Variants in TPH1 observed in about 807,000 individuals in gnomAD.
TPH1 encodes the protein tryptophan hydroxylase 1.
Under a neutral mutation model 49.5 loss-of-function variants are expected in TPH1, and 37 were observed. The ratio of observed to expected loss-of-function variants is 0.75; its 90% confidence interval spans 0.58 to 0.98. TPH1 has a LOEUF of 0.98. Ranked by LOEUF, TPH1 falls within the 50% of genes least tolerant of loss-of-function variation. TPH1 has a pLI of 0.00. For missense variants in TPH1, 487 were observed against 523.6 expected, an observed-to-expected ratio of 0.93 and a Z score of 0.68; for synonymous variants, 160 against 182.1, an observed-to-expected ratio of 0.88 and a Z score of 0.98.
rs910627206 is a variant in TPH1, at chr11:18,029,661, T to C, written c.403-82A>G. ...TATTTGGGAAACATTTCATTATTAC[T>C]AGAGCTATTATATTAAAGGGCTACA... On this transcript the variant is annotated intron_variant, in intron 4 of 10. Coordinates refer to ENST00000682019, the MANE Select transcript of TPH1 (RefSeq NM_004179.3). The C allele has an allele frequency of 7.2e-6, 8 of 1,111,756 alleles. No homozygotes were observed. The African/African-American group carries it at 9.3e-5, about 13-fold the overall frequency. The allele number at this position is 1,111,756 out of a possible 1,614,324, so 68.9% of individuals were successfully genotyped here.
chr11:18,035,837 C>A, intron 3 of TPH1, 122 bp downstream of exon 3: 1 of 812,568 alleles, frequency 1.2e-6, no homozygotes, highest in Non-Finnish European at 2.0e-6. Flanking sequence ...CCTTCACTAT[C>A]AGACTGTAAG....
intron 4 of TPH1, among the ~76,000 whole-genome samples, chr11:18,030,257 A>T (rs1051892650): frequency 7.9e-5 from 12 of 152,054 alleles, no homozygotes; most frequent in African/African-American, 2.7e-4. Context: ...AAAAAAATTT[A>T]AAATAACAAT....
chr11:18,044,267 C>T (rs1467389804), intron 1 of TPH1, among the ~76,000 whole-genome samples: 1 of 151,836 alleles, frequency 6.6e-6, no homozygotes, highest in Non-Finnish European at 1.5e-5. Context: ...ACTAAAAATA[C>T]AAAAATTGGC....
chr11:18,029,313 G>C lies in TPH1; in HGVS notation c.519C>G (p.Thr173=), dbSNP rs1190902186. Residue 173 remains threonine, a synonymous_variant, in exon 6 of 11, where the codon ACC becomes ACG. Transcript: ENST00000682019. ...KVEFTEEEIK[T]WGTVFQELNK... ...TGAGCTCTTGGAATACGGTTCCCCA[G>C]GTCTTAATCTCCTCTTCAGTGAATT... The C allele has an allele frequency of 1.2e-6, 2 of 1,614,062 alleles. No individual in the cohort carries two copies. Among genetic ancestry groups the C allele is most frequent in the African/African-American group, 2.7e-5 (2 of 75,002 alleles).
intron 3 of TPH1, 131 bp downstream of exon 3, chr11:18,035,828 C>T (rs1848043237): frequency 1.4e-6 from 1 of 727,638 alleles, no homozygotes; most frequent in Non-Finnish European, 2.3e-6. Flanking sequence ...TTTGTGTTCC[C>T]TTCACTATCA....
At position 18,046,131 on chromosome 11, in the gene TPH1, CACCAATTT is replaced by C. The variant is rs1420104425; in HGVS notation, c.-27+102_-27+109del. 8.5e-5 allele frequency among the ~76,000 whole-genome samples: 13 copies of C among 152,302 alleles called. No homozygotes were observed. The East Asian group carries it at 2.5e-3, about 30-fold the overall frequency. On this transcript the variant is annotated intron_variant, in intron 1 of 10. Transcript: ENST00000682019. Reference sequence around the variant, plus strand: ...CCTCCCAAATCTGACTCCGCAAGACCACCAATTTACCTCCCGGGAGGGTGACTCTGCCC... The same window carrying C: ...CCTCCCAAATCTGACTCCGCAAGACCACCTCCCGGGAGGGTGACTCTGCCC...
chr11:18,034,930 C>T (rs1268343499), intron 3 of TPH1, among the ~76,000 whole-genome samples: 1 of 152,128 alleles, frequency 6.6e-6, no homozygotes, highest in Non-Finnish European at 1.5e-5. Flanking sequence ...TTGTGGAAGA[C>T]AATTTTTCCA....
chr11:18,021,192 A>G (rs1312391199), intron 10 of TPH1, 27 bp from the exon 11 acceptor site: 1 of 1,604,336 alleles, frequency 6.2e-7, no homozygotes, highest in Middle Eastern at 1.7e-4. Context: ...ATAGGAGACA[A>G]TCAATTTCTA....
chr11:18,022,877 T>G lies in TPH1; in HGVS notation c.1081A>C (p.Lys361Gln), dbSNP rs1854379365. 12 of 1,613,588 alleles carry G rather than the reference T, an allele frequency of 7.4e-6. No individual in the cohort carries two copies. The highest frequency in any genetic ancestry group is 1.0e-5 in the Non-Finnish European group (12 of 1,179,676). ...AAAGTTGTGATAAGACATTCCTGTTTGCAGGTAATCTTGGGATCAAAGGGC... is the reference window on the plus strand; with the variant it reads ...AAAGTTGTGATAAGACATTCCTGTTGGCAGGTAATCTTGGGATCAAAGGGC... ...VKPFDPKITC[K>Q]QECLITTFQD... The change falls in exon 10 of 11, where the codon AAA (lysine) becomes CAA (glutamine). Residue 361 changes from lysine to glutamine, a missense_variant. By Grantham distance (53) the Lys-to-Gln change is moderately conservative. Coordinates refer to ENST00000682019, the MANE Select transcript of TPH1 (RefSeq NM_004179.3).
In TPH1 at chr11:18,040,748, A is replaced by G. The variant is rs1351150137; in HGVS notation, c.15T>C (p.Asn5=). The change falls in exon 2 of 11, where the codon AAT becomes AAC. Residue 5 remains asparagine, a synonymous_variant. Coordinates refer to ENST00000682019, the MANE Select transcript of TPH1 (RefSeq NM_004179.3). MIED[N]KENKDHSLER... ...CTAAGGAATGGTCTTTGTTCTCCTTATTGTCTTCAATCATGATGAATTTGG... is the reference window on the plus strand; with the variant it reads ...CTAAGGAATGGTCTTTGTTCTCCTTGTTGTCTTCAATCATGATGAATTTGG... 6.2e-7 allele frequency: 1 copy of G among 1,612,116 alleles called. No individual in the cohort carries two copies. Among genetic ancestry groups the G allele is most frequent in the African/African-American group, 1.3e-5 (1 of 74,844 alleles).
chr11:18,021,266 A>G, intron 10 of TPH1, 101 bp from the exon 11 acceptor site: 1 of 1,206,492 alleles, frequency 8.3e-7, no homozygotes, highest in Non-Finnish European at 1.2e-6. Flanking sequence ...CAAAAAACAA[A>G]TTCTTGTTAG....
In TPH1 at chr11:18,044,181, T is replaced by A. The variant is rs182742182; in HGVS notation, c.-27+2060A>T. Reference sequence around the variant, plus strand: ...CTCACACCTGTAATTCCCAGCACTTTAGGAGGCCGAGGCGGGCGAATCATG... The same window carrying A: ...CTCACACCTGTAATTCCCAGCACTTAAGGAGGCCGAGGCGGGCGAATCATG... On this transcript the variant is annotated intron_variant, in intron 1 of 10. Coordinates refer to ENST00000682019, the MANE Select transcript of TPH1 (RefSeq NM_004179.3). Among the ~76,000 whole-genome samples, 8 of 152,264 alleles carry A rather than the reference T, an allele frequency of 5.3e-5. 1 individual carries two copies. The East Asian group carries it at 1.2e-3, about 22-fold the overall frequency.
At chr11:18,045,813 GGGA>G (rs1848135603) in intron 1 of TPH1, among the ~76,000 whole-genome samples, 2 of 152,114 alleles carry the variant, frequency 1.3e-5, no homozygotes, top group African/African-American at 2.4e-5. Flanking sequence ...TTCCCTTCAT[GGGA>G]GGAGAAGAAA....
Position 18,029,268 on chromosome 11 carries a change from A to C in TPH1, c.564T>G (p.His188Gln). 1 of 1,613,978 alleles carries C rather than the reference A, an allele frequency of 6.2e-7. No individual in the cohort carries two copies. The highest frequency in any genetic ancestry group is 8.5e-7 in the Non-Finnish European group (1 of 1,179,900). The change falls in exon 6 of 11, where the codon CAT becomes CAG. Residue 188 changes from histidine to glutamine, a missense_variant. His to Gln is a conservative substitution (Grantham distance 24, BLOSUM62 0). Coordinates refer to ENST00000682019, the MANE Select transcript of TPH1 (RefSeq NM_004179.3). ...FQELNKLYPT[H>Q]ACREYLKNLP... The stretch of plus-strand genomic sequence containing the variant: ...AGTTTTTGAGATACTCTCTGCAAGC[A>C]TGGGTTGGGTAGAGTTTGTTGAGCT...
In TPH1 at chr11:18,021,245, C is replaced by T. The variant is rs568042726; in HGVS notation, c.1161-80G>A. 6.3e-6 allele frequency: 9 copies of T among 1,424,042 alleles called. No individual in the cohort carries two copies. In the African/African-American group the frequency reaches 1.3e-4, roughly 20 times the overall value. 88.2% of individuals were successfully genotyped at this position (1,424,042 alleles called of 1,614,324 possible). On this transcript the variant is annotated intron_variant, in intron 10 of 10. Coordinates refer to ENST00000682019, the MANE Select transcript of TPH1 (RefSeq NM_004179.3). ...ACTAAACAAACAACAGAATATATTT[C>T]ACATACTAGGCAAAAAACAAATTCT...
chr11:18,023,432 G>A (rs1171413619), intron 9 of TPH1, among the ~76,000 whole-genome samples: 1 of 152,026 alleles, frequency 6.6e-6, no homozygotes, highest in African/African-American at 2.4e-5. Flanking sequence ...GAAATGATGA[G>A]GAAACAGCAA....
chr11:18,043,563 C>T (rs775920176), intron 1 of TPH1, among the ~76,000 whole-genome samples: 4 of 152,100 alleles, frequency 2.6e-5, no homozygotes, highest in African/African-American at 7.2e-5. Flanking sequence ...AAGATCGTGT[C>T]GCTGCACTCT....
rs147488937 is a variant in TPH1, at chr11:18,029,210, C to T, written c.622G>A (p.Glu208Lys). 4.4e-5 allele frequency: 71 copies of T among 1,613,666 alleles called. No individual in the cohort carries two copies. The highest frequency in any genetic ancestry group is 8.3e-5 in the Admixed American group (5 of 59,978). Residue 208 changes from glutamate to lysine, a missense_variant, in exon 6 of 11, where the codon GAG becomes AAG. Glu to Lys is a moderately conservative substitution (Grantham distance 56). Coordinates refer to ENST00000682019, the MANE Select transcript of TPH1 (RefSeq NM_004179.3). ...TCTTCCAATTGTGGGATATTATCCT[C>T]CCGATATCCACAATATTTAGAAAGC... ...PLLSKYCGYR[E>K]DNIPQLEDVS... is the part of the protein sequence containing the mutation.
At chr11:18,033,223 A>C in intron 4 of TPH1, 51 bp downstream of exon 4, 1 of 1,403,362 alleles carries the variant, frequency 7.1e-7, no homozygotes, top group Non-Finnish European at 1.0e-6. Flanking sequence ...ACTGCACTCC[A>C]GTCTGGACAG....
Sources: allele counts gnomAD v4.1 joint callset (sites outside exome capture counted in the v4.1 genomes callset), GRCh38; gene constraint gnomAD v4.1.1; transcripts MANE v1.5; gene names NCBI Gene and HGNC (gene_info 2026-07-23, HGNC 2026-07-21).